Variants in TTLL6 observed in about 807,000 individuals in gnomAD.
TTLL6 encodes tubulin tyrosine ligase like 6, also known as tubulin polyglutamylase TTLL6.
Under a neutral mutation model 96.4 loss-of-function variants are expected in TTLL6, and 75 were observed. The observed-to-expected ratio is 0.78, with a 90% CI of 0.65 to 0.94. TTLL6 has a LOEUF of 0.94. Ranked by LOEUF, TTLL6 falls within the 40% of genes least tolerant of loss-of-function variation. TTLL6 has a pLI of 0.00. For synonymous variants in TTLL6, 411 were observed against 419.4 expected (o/e 0.98, Z 0.24); for missense variants, 1,030 against 1,093.0 (o/e 0.94, Z 0.81).
Position 48,791,521 on chromosome 17 carries a change from T to G in TTLL6, c.1081A>C (p.Ile361Leu). The G allele has an allele frequency of 6.2e-7, 1 of 1,614,182 alleles. No individual in the cohort carries two copies. Among genetic ancestry groups the G allele is most frequent in the Non-Finnish European group, 8.5e-7 (1 of 1,180,028 alleles). ...QIWRDIEDVI[I>L]KTLISAHPII... ...GGGTGGGCCGAGATGAGGGTCTTGATGATGACGTCCTCAATATCCCTCCAT... is the reference window on the plus strand; with the variant it reads ...GGGTGGGCCGAGATGAGGGTCTTGAGGATGACGTCCTCAATATCCCTCCAT... The change falls in exon 9 of 16, where the codon ATC becomes CTC. Residue 361 changes from isoleucine (I) to leucine (L), a missense_variant. Physicochemically the swap from Ile to Leu is conservative, Grantham distance 5. Coordinates refer to ENST00000393382, the MANE Select transcript of TTLL6 (RefSeq NM_001130918.3).
rs1567738286 is a variant in TTLL6, at chr17:48,810,823, GTGTATATATATATA to G, written c.104-5846_104-5833del. Among the ~76,000 whole-genome samples the G allele has an allele frequency of 2.2e-3, 144 of 65,796 alleles. 11 individuals carry two copies. Among genetic ancestry groups the G allele is most frequent in the African/African-American group, 8.5e-3 (142 of 16,644 alleles). 43.2% of individuals were successfully genotyped at this position (65,796 alleles called of 152,430 possible). On this transcript the variant is annotated intron_variant, in intron 1 of 15. Coordinates refer to ENST00000393382, the MANE Select transcript of TTLL6 (RefSeq NM_001130918.3). ...ATATATACACATATATAGTATGTGT[GTGTATATATATATA>G]TATATATATATATATATAGTATGTG...
At chr17:48,809,964 C>T (rs2039555142) in intron 1 of TTLL6, among the ~76,000 whole-genome samples, 1 of 151,360 alleles carries the variant, frequency 6.6e-6, no homozygotes, top group Admixed American at 6.6e-5. Context: ...ATGGAGAAAC[C>T]CCGTCTCTAC....
chr17:48,785,700 G>A (rs1444857786), intron 12 of TTLL6, among the ~76,000 whole-genome samples: 2 of 152,080 alleles, frequency 1.3e-5, no homozygotes, highest in African/African-American at 4.8e-5. Context: ...GAGGAGGAGA[G>A]ACCCAGCCAT....
At chr17:48,778,080 C>G (rs1025580500) in intron 13 of TTLL6, among the ~76,000 whole-genome samples, 1 of 151,992 alleles carries the variant, frequency 6.6e-6, no homozygotes, top group African/African-American at 2.4e-5. Flanking sequence ...GGTTCAAGAC[C>G]AGCCTGACCA....
chr17:48,788,390 G>A (rs2039150033), intron 10 of TTLL6, among the ~76,000 whole-genome samples: 1 of 152,202 alleles, frequency 6.6e-6, no homozygotes, highest in South Asian at 2.1e-4. Flanking sequence ...CTTCCTGGAT[G>A]ACCTTGATGA....
rs1376805118 is a variant in TTLL6, at chr17:48,801,497, A to G, written c.480+28T>C. On this transcript the variant is annotated intron_variant, in intron 4 of 15. Coordinates refer to ENST00000393382, the MANE Select transcript of TTLL6 (RefSeq NM_001130918.3). ...CCCGCCGGGTAAGATGGCACACTTA[A>G]ACCAAGGACCATCACTAGCCCAAAT... 1.9e-6 allele frequency: 3 copies of G among 1,551,360 alleles called. No homozygotes were observed. In the South Asian group the frequency reaches 3.6e-5, roughly 18 times the overall value.
In TTLL6 at chr17:48,786,307, G is replaced by T; in HGVS notation, c.1618C>A (p.Arg540=). The change falls in exon 12 of 16, where the codon CGG becomes AGG. Residue 540 remains arginine, a synonymous_variant. Coordinates refer to ENST00000393382, the MANE Select transcript of TTLL6 (RefSeq NM_001130918.3). Reference sequence around the variant, plus strand: ...TTCATTTGGAAGGGCTTTTTCTCCCGTTTTAGTCTCAGCTCCTGGATCAGT... The same window carrying T: ...TTCATTTGGAAGGGCTTTTTCTCCCTTTTTAGTCTCAGCTCCTGGATCAGT... ...RQLIQELRLK[R]EKKPFQMKKK... is the part of the protein sequence containing the mutation. The T allele has an allele frequency of 6.2e-7, 1 of 1,614,168 alleles. No homozygotes were observed. Among genetic ancestry groups the T allele is most frequent in the Non-Finnish European group, 8.5e-7 (1 of 1,180,034 alleles).
At chr17:48,787,778 C>A in intron 11 of TTLL6, 33 bp downstream of exon 11, 1 of 1,594,172 alleles carries the variant, frequency 6.3e-7, no homozygotes. Flanking sequence ...CCCCAGAACC[C>A]CTCCACCGAC....
At chr17:48,767,565 T>C (rs1177036335) in intron 15 of TTLL6, among the ~76,000 whole-genome samples, 1 of 152,188 alleles carries the variant, frequency 6.6e-6, no homozygotes, top group Non-Finnish European at 1.5e-5. Context: ...CAGTGTGAGC[T>C]ACTGGTCACA....
At chr17:48,804,561 GT>G (rs1420931069) in intron 2 of TTLL6, 3 of 675,608 alleles carry the variant, frequency 4.4e-6, no homozygotes, top group Non-Finnish European at 8.1e-6. Context: ...ACAAGGCATG[GT>G]TTTTTAGATT....
At chr17:48,774,093 A>C (rs1450322494) in intron 13 of TTLL6, among the ~76,000 whole-genome samples, 1 of 98,268 alleles carries the variant, frequency 1.0e-5, no homozygotes, top group African/African-American at 4.1e-5. Context: ...AAAAAAAACA[A>C]AACAAAAAAA....
chr17:48,809,266 C>T (rs1598004442), intron 1 of TTLL6, among the ~76,000 whole-genome samples: 1 of 152,212 alleles, frequency 6.6e-6, no homozygotes, highest in African/African-American at 2.4e-5. Flanking sequence ...GTCAATTGTT[C>T]CCAGTGAACA....
At chr17:48,766,523 A>C (rs1597953390) in intron 15 of TTLL6, among the ~76,000 whole-genome samples, 1 of 152,248 alleles carries the variant, frequency 6.6e-6, no homozygotes, top group African/African-American at 2.4e-5. Context: ...TAACAGTCCT[A>C]CTGAATACAA....
intron 15 of TTLL6, among the ~76,000 whole-genome samples, chr17:48,766,091 G>A (rs1401028513): frequency 2.0e-5 from 3 of 152,216 alleles, no homozygotes; most frequent in Non-Finnish European, 1.5e-5. Context: ...AGCATCTGAT[G>A]TCAGAGGTAT....
At chr17:48,814,918 A>G (rs2039647152) in intron 1 of TTLL6, among the ~76,000 whole-genome samples, 1 of 152,076 alleles carries the variant, frequency 6.6e-6, no homozygotes, top group African/African-American at 2.4e-5. Context: ...AGCTGGGACT[A>G]CAGGCATGCA....
chr17:48,778,548 C>A (rs959809506), intron 13 of TTLL6, among the ~76,000 whole-genome samples: 3 of 151,536 alleles, frequency 2.0e-5, no homozygotes, highest in Non-Finnish European at 4.4e-5. Flanking sequence ...GTAATCCCAG[C>A]ACATTGGGAG....
At chr17:48,786,613 C>G (rs939880673) in intron 11 of TTLL6, among the ~76,000 whole-genome samples, 2 of 152,194 alleles carry the variant, frequency 1.3e-5, no homozygotes, top group African/African-American at 4.8e-5. Flanking sequence ...CCTATTTGTT[C>G]CCCACTTCCC....
chr17:48,787,435 C>T (rs544680520), intron 11 of TTLL6, among the ~76,000 whole-genome samples: 3 of 152,186 alleles, frequency 2.0e-5, no homozygotes, highest in East Asian at 1.9e-4. Context: ...CTGACACCCA[C>T]GCTGGAGTGC....
At chr17:48,774,407 G>T (rs1477024357) in intron 13 of TTLL6, among the ~76,000 whole-genome samples, 2 of 151,448 alleles carry the variant, frequency 1.3e-5, no homozygotes, top group East Asian at 3.9e-4. Context: ...CAGGCAATCC[G>T]CCCGCCTCGG....
Sources: gnomAD v4.1 joint callset for allele counts (sites outside exome capture counted in the v4.1 genomes callset) on GRCh38, gnomAD v4.1.1 for gene constraint, MANE v1.5 for transcripts, NCBI Gene and HGNC (gene_info 2026-07-23, HGNC 2026-07-21) for gene names.